The following ADAM23 variants were observed in gnomAD, a reference collection of about 807,000 sequenced individuals.
ADAM23 encodes ADAM metallopeptidase domain 23.
ADAM23 carries 33 observed loss-of-function variants against 120.1 expected under a neutral mutation model. The observed-to-expected ratio is 0.27, with a 90% CI of 0.21 to 0.37. ADAM23 has a LOEUF of 0.37. ADAM23 is among the 10% of genes least tolerant of loss of function. The pLI, the probability that ADAM23 is intolerant of heterozygous loss-of-function variation, is 1.00. For missense variants in ADAM23, 862 were observed against 1,058.2 expected (o/e 0.81, Z 2.57); for synonymous variants, 367 against 375.2 (o/e 0.98, Z 0.25).
Position 206,594,723 on chromosome 2 carries a change from C to A in ADAM23, c.2079-14C>A, listed in dbSNP as rs201911000. 4 of 1,613,818 alleles carry A rather than the reference C, an allele frequency of 2.5e-6. No individual in the cohort carries two copies. The East Asian group carries it at 6.7e-5, about 27-fold the overall frequency. On this transcript the variant is annotated splice_polypyrimidine_tract_variant and intron_variant, in intron 22 of 25. Coordinates refer to ENST00000264377, the MANE Select transcript of ADAM23 (RefSeq NM_003812.4). ...GTGGTGCAAATAGTTATATGGGTATCTTTCTTGTTTTAGTGGTGCCCATGT... is the reference window on the plus strand; with the variant it reads ...GTGGTGCAAATAGTTATATGGGTATATTTCTTGTTTTAGTGGTGCCCATGT...
At chr2:206,540,622 G>A (rs1697271439) in intron 4 of ADAM23, among the ~76,000 whole-genome samples, 1 of 152,126 alleles carries the variant, frequency 6.6e-6, no homozygotes, top group Non-Finnish European at 1.5e-5. Context: ...TGGATGAGGA[G>A]TGACTCTTAG....
chr2:206,476,824 A>G (rs1434511996), intron 2 of ADAM23, among the ~76,000 whole-genome samples: 1 of 152,084 alleles, frequency 6.6e-6, no homozygotes, highest in Non-Finnish European at 1.5e-5. Context: ...GCCTTATGAT[A>G]TTTTTTGAAT....
intron 3 of ADAM23, among the ~76,000 whole-genome samples, chr2:206,505,632 A>G (rs1303051688): frequency 6.6e-6 from 1 of 152,182 alleles, no homozygotes. Context: ...TAACTTGCTC[A>G]CTGTCACGAA....
intron 3 of ADAM23, among the ~76,000 whole-genome samples, chr2:206,495,230 A>G (rs1696215259): frequency 6.6e-6 from 1 of 152,234 alleles, no homozygotes; most frequent in South Asian, 2.1e-4. Flanking sequence ...GAAGGAAAAA[A>G]TGTTAAGGGC....
intron 18 of ADAM23, among the ~76,000 whole-genome samples, chr2:206,583,657 A>G (rs1698265346): frequency 6.6e-6 from 1 of 151,936 alleles, no homozygotes; most frequent in South Asian, 2.1e-4. Context: ...TCTATTGCTG[A>G]GACTTTCCAG....
intron 21 of ADAM23, among the ~76,000 whole-genome samples, chr2:206,591,547 T>C (rs1299977903): frequency 6.6e-6 from 1 of 152,242 alleles, no homozygotes; most frequent in Non-Finnish European, 1.5e-5. Context: ...TTCTCCATTC[T>C]GTGTTGATGA....
intron 17 of ADAM23, among the ~76,000 whole-genome samples, chr2:206,572,406 C>CAT (rs1213222759): frequency 6.6e-6 from 1 of 152,124 alleles, no homozygotes; most frequent in Non-Finnish European, 1.5e-5. Context: ...TCCCTTTTCT[C>CAT]ATATATATAA....
At chr2:206,516,581 G>C (rs1253094775) in intron 3 of ADAM23, among the ~76,000 whole-genome samples, 1 of 151,984 alleles carries the variant, frequency 6.6e-6, no homozygotes, top group Non-Finnish European at 1.5e-5. Flanking sequence ...GAGAGAGAGA[G>C]GGAGAGACAA....
chr2:206,573,215 T>C lies in ADAM23; in HGVS notation c.1737+20T>C. 1.2e-6 allele frequency: 2 copies of C among 1,608,844 alleles called. No individual in the cohort carries two copies. The highest frequency in any genetic ancestry group is 2.2e-5 in the East Asian group (1 of 44,848). On this transcript the variant is annotated intron_variant, in intron 18 of 25. Transcript: ENST00000264377. ...GGTCAGGTATGGCGCACTGAGTTTT[T>C]GGTAATACATTTTACTTGTACAGGT...
At position 206,618,666 on chromosome 2, in the gene ADAM23, A is replaced by G. The variant is rs555873947; in HGVS notation, c.*1039A>G. On this transcript the variant is annotated 3_prime_UTR_variant, in exon 26 of 26. Transcript: ENST00000264377. ...ACAGATGCAGGGAGTTTGGGCACAAAACACGTGCAGTTTAAAGTTGGTGTG... is the reference window on the plus strand; with the variant it reads ...ACAGATGCAGGGAGTTTGGGCACAAGACACGTGCAGTTTAAAGTTGGTGTG... The G allele has an allele frequency of 1.3e-5, 2 of 152,316 alleles. No individual in the cohort carries two copies. Among genetic ancestry groups the G allele is most frequent in the Non-Finnish European group, 2.9e-5 (2 of 68,030 alleles). The allele number at this position is 152,316 out of a possible 1,614,324, so 9.4% of individuals were successfully genotyped here.
intron 3 of ADAM23, among the ~76,000 whole-genome samples, chr2:206,509,559 C>G (rs944541998): frequency 1.3e-5 from 2 of 152,154 alleles, no homozygotes; most frequent in African/African-American, 4.8e-5. Context: ...AGCGATTCTC[C>G]TGCCTCAGCC....
chr2:206,565,662 C>T (rs888216802), intron 14 of ADAM23, among the ~76,000 whole-genome samples: 14 of 152,134 alleles, frequency 9.2e-5, no homozygotes, highest in Admixed American at 9.2e-4. Flanking sequence ...AAATATTGCC[C>T]TCTTTCACAG....
chr2:206,605,269 T>TA (rs575068708), intron 24 of ADAM23, among the ~76,000 whole-genome samples: 41 of 152,336 alleles, frequency 2.7e-4, no homozygotes, highest in African/African-American at 9.6e-4. Context: ...TTATCTGAAA[T>TA]ACGCTTTTCA....
Position 206,531,585 on chromosome 2 carries a change from A to AAG in ADAM23, c.573+651_573+652dup, listed in dbSNP as rs369519980. On this transcript the variant is annotated intron_variant, in intron 4 of 25. Coordinates refer to ENST00000264377, the MANE Select transcript of ADAM23 (RefSeq NM_003812.4). ...AGAGCAAGTGGATTTGGATTAAAGC[A>AAG]AGAGAGAGAGAGAGATGATTTGTAT... is the stretch of plus-strand genomic sequence containing the variant. 7.2e-5 allele frequency among the ~76,000 whole-genome samples: 11 copies of AAG among 151,760 alleles called. No homozygotes were observed. In the South Asian group the frequency reaches 1.2e-3, roughly 17 times the overall value.
intron 4 of ADAM23, among the ~76,000 whole-genome samples, chr2:206,534,666 T>C (rs956173717): frequency 6.6e-6 from 1 of 152,214 alleles, no homozygotes; most frequent in African/African-American, 2.4e-5. Context: ...TTAACATATT[T>C]CTATTAAGTC....
intron 9 of ADAM23, among the ~76,000 whole-genome samples, chr2:206,551,474 A>G (rs1349632216): frequency 6.6e-6 from 1 of 152,232 alleles, no homozygotes; most frequent in Admixed American, 6.5e-5. Flanking sequence ...AAGACTTTAT[A>G]TAGATGAGAA....
rs371480664 is a variant in ADAM23, at chr2:206,585,822, GA to G, written c.1738-1494del. Among the ~76,000 whole-genome samples, 373 of 144,716 alleles carry G rather than the reference GA, an allele frequency of 2.6e-3. 4 individuals carry two copies. The highest frequency in any genetic ancestry group is 7.6e-3 in the African/African-American group (298 of 39,194). The allele number at this position is 144,716 out of a possible 152,430, so 94.9% of individuals were successfully genotyped here. A position where few individuals can be genotyped will look rare whatever the true frequency, so the allele number is the denominator to read the frequency against. ...AGTTGGTGATAAGTGCTTTGGAAAA[GA>G]AAAAAAAACAAAGAAAAAAACTTGT... is the stretch of plus-strand genomic sequence containing the variant. On this transcript the variant is annotated intron_variant, in intron 18 of 25. Coordinates refer to ENST00000264377, the MANE Select transcript of ADAM23 (RefSeq NM_003812.4).
At chr2:206,533,549 A>G (rs1697114414) in intron 4 of ADAM23, among the ~76,000 whole-genome samples, 1 of 152,224 alleles carries the variant, frequency 6.6e-6, no homozygotes, top group Non-Finnish European at 1.5e-5. Context: ...CACATTGTAC[A>G]CACACATGTA....
intron 3 of ADAM23, among the ~76,000 whole-genome samples, chr2:206,528,917 A>G (rs1410064061): frequency 6.6e-6 from 1 of 152,172 alleles, no homozygotes; most frequent in Non-Finnish European, 1.5e-5. Context: ...TATAGTCCTT[A>G]TAACAGTACC....
Sources: gnomAD v4.1 joint callset for allele counts (sites outside exome capture counted in the v4.1 genomes callset) on GRCh38, gnomAD v4.1.1 for gene constraint, MANE v1.5 for transcripts, NCBI Gene and HGNC (gene_info 2026-07-23, HGNC 2026-07-21) for gene names.